ALKBH8: variants seen among roughly 807,000 people sequenced by gnomAD.
The protein encoded by ALKBH8 is alkB homolog 8, tRNA methyltransferase.
A neutral mutation model predicts 59.8 loss-of-function variants in ALKBH8; 36 were observed. The observed-to-expected ratio is 0.60, with a 90% confidence interval of 0.46 to 0.79. ALKBH8 has a LOEUF of 0.79. Ranked by LOEUF, ALKBH8 falls within the 30% of genes least tolerant of loss-of-function variation. The pLI is 0.00. For synonymous variants in ALKBH8, 276 were observed against 273.6 expected (o/e 1.01, Z -0.09); for missense variants, 768 against 801.0 (o/e 0.96, Z 0.50).
At chr11:107,546,351 A>G (rs748260790) in intron 7 of ALKBH8, among the ~76,000 whole-genome samples, 1 of 152,238 alleles carries the variant, frequency 6.6e-6, no homozygotes, top group Non-Finnish European at 1.5e-5. Context: ...GCATCTCTCA[A>G]AACATGCCTG....
intron 10 of ALKBH8, among the ~76,000 whole-genome samples, chr11:107,519,275 T>C (rs1013243925): frequency 9.9e-5 from 15 of 152,092 alleles, no homozygotes; most frequent in Non-Finnish European, 1.6e-4. Context: ...CTGGCTAATT[T>C]TGTATTTTCA....
Position 107,553,936 on chromosome 11 carries a change from A to C in ALKBH8, c.410T>G (p.Leu137Arg). The C allele has an allele frequency of 6.2e-7, 1 of 1,613,936 alleles. No homozygotes were observed. The highest frequency in any genetic ancestry group is 8.5e-7 in the Non-Finnish European group (1 of 1,179,884). ...ELRPQALPPG[L>R]MVVEEIISSE... ...AGAAATTATTTCTTCTACTACCATG[A>C]GTCCTGGTGGTAAGGCTTGAGGCCT... The change falls in exon 4 of 12, where the codon CTC becomes CGC. Residue 137 changes from leucine to arginine, a missense_variant. Leu to Arg is a moderately radical substitution (Grantham distance 102). Transcript: ENST00000428149.
intron 11 of ALKBH8, among the ~76,000 whole-genome samples, chr11:107,508,234 G>A (rs1280964919): frequency 2.7e-5 from 4 of 148,786 alleles, no homozygotes; most frequent in Non-Finnish European, 4.4e-5. Context: ...CAGTGGGCAC[G>A]ATCTCGGCTC....
intron 10 of ALKBH8, among the ~76,000 whole-genome samples, chr11:107,516,288 T>C (rs1862859103): frequency 6.6e-6 from 1 of 152,242 alleles, no homozygotes; most frequent in African/African-American, 2.4e-5. Context: ...TACGGTGTTA[T>C]TTAGAATACT....
At chr11:107,561,633 C>A (rs1468721654) in intron 1 of ALKBH8, among the ~76,000 whole-genome samples, 3 of 152,072 alleles carry the variant, frequency 2.0e-5, no homozygotes, top group African/African-American at 7.2e-5. Flanking sequence ...AAATCAGCAC[C>A]CAATATCATG....
At chr11:107,534,835 T>C (rs1863744749) in intron 7 of ALKBH8, among the ~76,000 whole-genome samples, 1 of 152,010 alleles carries the variant, frequency 6.6e-6, no homozygotes, top group African/African-American at 2.4e-5. Flanking sequence ...TGGTGATTTC[T>C]GAGATTTTTG....
Position 107,551,805 on chromosome 11 carries a change from C to T in ALKBH8, c.700+3G>A, listed in dbSNP as rs764446760. 20 of 1,528,106 alleles carry T rather than the reference C, an allele frequency of 1.3e-5. No homozygotes were observed. Among genetic ancestry groups the T allele is most frequent in the Non-Finnish European group, 1.6e-5 (18 of 1,144,390 alleles). 94.7% of individuals were successfully genotyped at this position (1,528,106 alleles called of 1,614,324 possible). A position where few individuals can be genotyped will look rare whatever the true frequency, so the allele number is the denominator to read the frequency against. ...CTAAAATTTTTGAACAAGAAATACT[C>T]ACCTTGCCCAGGTTCATACTGATTT... On this transcript the variant is annotated splice_donor_region_variant and intron_variant, in intron 6 of 11. Transcript: ENST00000428149.
intron 1 of ALKBH8, among the ~76,000 whole-genome samples, chr11:107,564,366 TA>T (rs1442980395): frequency 6.6e-6 from 1 of 152,134 alleles, no homozygotes; most frequent in Admixed American, 6.5e-5. Context: ...CTTATATGTT[TA>T]AAAAAATGCA....
Position 107,556,800 on chromosome 11 carries a change from T to C in ALKBH8, c.333A>G (p.Gln111=). Reference sequence around the variant, plus strand: ...CAAAATTCAAATACAGAGTGATCTTTTGTCCTAAATCATCCACTACTTCTT... The same window carrying C: ...CAAAATTCAAATACAGAGTGATCTTCTGTCCTAAATCATCCACTACTTCTT... The part of the protein sequence containing the change: ...NGKEVVDDLG[Q]KITLYLNFVE... Residue 111 remains glutamine, a synonymous_variant, in exon 3 of 12, where the codon CAA becomes CAG. Coordinates refer to ENST00000428149, the MANE Select transcript of ALKBH8 (RefSeq NM_138775.3). The C allele has an allele frequency of 7.0e-7, 1 of 1,427,024 alleles. No individual in the cohort carries two copies. The highest frequency in any genetic ancestry group is 1.7e-5 in the South Asian group (1 of 58,818). 88.4% of individuals were successfully genotyped at this position (1,427,024 alleles called of 1,614,324 possible).
intron 7 of ALKBH8, among the ~76,000 whole-genome samples, chr11:107,542,649 C>A (rs1036582146): frequency 6.6e-6 from 1 of 152,202 alleles, no homozygotes; most frequent in African/African-American, 2.4e-5. Context: ...TGGTTCATGC[C>A]TGTAATCCCA....
rs1436638175 is a variant in ALKBH8, at chr11:107,504,129, G to T, written c.*529C>A. 1 of 186,396 alleles carries T rather than the reference G, an allele frequency of 5.4e-6. No individual in the cohort carries two copies. The highest frequency in any genetic ancestry group is 5.9e-5 in the Admixed American group (1 of 16,882). 11.5% of individuals were successfully genotyped at this position (186,396 alleles called of 1,614,324 possible). A position where few individuals can be genotyped will look rare whatever the true frequency, so the allele number is the denominator to read the frequency against. ...GAATGAAACTCCTACTAAGTTCTGG[G>T]TATTATCTGATTGACTAAACGTTAT... On this transcript the variant is annotated 3_prime_UTR_variant, in exon 12 of 12. Coordinates refer to ENST00000428149, the MANE Select transcript of ALKBH8 (RefSeq NM_138775.3).
chr11:107,517,932 C>G (rs1456110711), intron 10 of ALKBH8, among the ~76,000 whole-genome samples: 1 of 152,128 alleles, frequency 6.6e-6, no homozygotes, highest in East Asian at 1.9e-4. Flanking sequence ...AAAACGGTAA[C>G]TTTGTGAGGT....
chr11:107,548,803 G>A (rs902517906), intron 7 of ALKBH8, among the ~76,000 whole-genome samples: 1 of 151,860 alleles, frequency 6.6e-6, no homozygotes, highest in Non-Finnish European at 1.5e-5. Context: ...AATTAGATTA[G>A]ATGACCTGAT....
At chr11:107,518,700 G>A (rs548343734) in intron 10 of ALKBH8, among the ~76,000 whole-genome samples, 49 of 152,320 alleles carry the variant, frequency 3.2e-4, no homozygotes, top group African/African-American at 1.1e-3. Context: ...TTCGTTTCCC[G>A]TAAGGGATAC....
Position 107,560,859 on chromosome 11 carries a change from C to T in ALKBH8, c.35G>A (p.Ser12Asn), listed in dbSNP as rs1378523040. 1.1e-5 allele frequency: 17 copies of T among 1,612,786 alleles called. No individual in the cohort carries two copies. The highest frequency in any genetic ancestry group is 1.4e-5 in the Non-Finnish European group (17 of 1,179,460). Residue 12 changes from serine to asparagine, a missense_variant, in exon 2 of 12, where the codon AGT becomes AAT. Transcript: ENST00000428149. The stretch of plus-strand genomic sequence containing the variant: ...CCTTAAGAACTTCTTCTCAGTTTTA[C>T]TGAGTTTGTAATTACTTTGATGGTT... ...DSNHQSNYKL[S>N]KTEKKFLRKQ... is the part of the protein sequence containing the mutation.
chr11:107,539,545 G>A (rs1863954125), intron 7 of ALKBH8, among the ~76,000 whole-genome samples: 1 of 152,012 alleles, frequency 6.6e-6, no homozygotes, highest in East Asian at 1.9e-4. Flanking sequence ...GTTGCAGTGA[G>A]CCAAGATCTC....
At chr11:107,557,276 T>C (rs983868959) in intron 2 of ALKBH8, among the ~76,000 whole-genome samples, 2 of 152,112 alleles carry the variant, frequency 1.3e-5, no homozygotes, top group Non-Finnish European at 2.9e-5. Flanking sequence ...TAAATGCAAA[T>C]TAAAACATGA....
chr11:107,513,958 G>T (rs2135480613), intron 10 of ALKBH8, among the ~76,000 whole-genome samples: 1 of 152,094 alleles, frequency 6.6e-6, no homozygotes, highest in Non-Finnish European at 1.5e-5. Flanking sequence ...TGACTACCTG[G>T]GTGATGAAAT....
chr11:107,505,484 A>G (rs989034334), intron 11 of ALKBH8, among the ~76,000 whole-genome samples: 2 of 152,238 alleles, frequency 1.3e-5, no homozygotes, highest in Non-Finnish European at 2.9e-5. Context: ...GCTAGGATAC[A>G]TGAAACAACT....
Sources: gnomAD v4.1 joint callset for allele counts (sites outside exome capture counted in the v4.1 genomes callset) on GRCh38, gnomAD v4.1.1 for gene constraint, MANE v1.5 for transcripts, NCBI Gene and HGNC (gene_info 2026-07-23, HGNC 2026-07-21) for gene names.